The following UFC1 variants were observed in gnomAD, a reference collection of about 807,000 sequenced individuals.
UFC1 encodes ubiquitin-fold modifier conjugating enzyme 1.
In UFC1, 22 loss-of-function variants were observed where a neutral mutation model predicts 28.0. The ratio of observed to expected loss-of-function variants is 0.78; its 90% CI spans 0.56 to 1.12. The LOEUF (loss-of-function observed/expected upper bound fraction) is 1.12, where lower values mean the gene tolerates loss of function less well. Ranked by LOEUF, UFC1 falls within the 50% of genes most tolerant of loss-of-function variation. The pLI is 0.00. For missense variants in UFC1, 189 were observed against 207.8 expected, an observed-to-expected ratio of 0.91 and a Z score of 0.56; for synonymous variants, 61 against 74.5, an observed-to-expected ratio of 0.82 and a Z score of 0.93.
Position 161,158,788 on chromosome 1 carries a change from G to GA in UFC1, c.*299dup. ...CGATTCTGGAGGCACGGGGGTAACT[G>GA]AAAGTGAGTACATATAGTCTTTCTG... On this transcript the variant is annotated 3_prime_UTR_variant, in exon 6 of 6. Transcript: ENST00000368003. 1 of 418,064 alleles carries GA rather than the reference G, an allele frequency of 2.4e-6. No homozygotes were observed. Among genetic ancestry groups the GA allele is most frequent in the Non-Finnish European group, 4.5e-6 (1 of 223,172 alleles). 25.9% of individuals were successfully genotyped at this position (418,064 alleles called of 1,614,324 possible). A position where few individuals can be genotyped will look rare whatever the true frequency, so the allele number is the denominator to read the frequency against.
intron 1 of UFC1, 47 bp from the exon 2 acceptor site, chr1:161,156,903 C>T (rs763272547): frequency 6.5e-7 from 1 of 1,530,130 alleles, no homozygotes; most frequent in Non-Finnish European, 9.0e-7. Flanking sequence ...AGGGGGACTG[C>T]CCTTGGCCCC....
chr1:161,154,279 A>T (rs936461795), intron 1 of UFC1, among the ~76,000 whole-genome samples, 159 bp downstream of exon 1: 1 of 151,964 alleles, frequency 6.6e-6, no homozygotes, highest in African/African-American at 2.4e-5. Flanking sequence ...CTAAGGAGGG[A>T]TGGTGGGGAG....
chr1:161,155,019 C>T (rs1157681884), intron 1 of UFC1, among the ~76,000 whole-genome samples: 1 of 151,958 alleles, frequency 6.6e-6, no homozygotes, highest in Non-Finnish European at 1.5e-5. Flanking sequence ...AATTACTGTG[C>T]ATATAGAACC....
intron 1 of UFC1, among the ~76,000 whole-genome samples, chr1:161,156,419 G>C (rs563539701): frequency 4.2e-4 from 62 of 149,200 alleles, no homozygotes; most frequent in African/African-American, 1.5e-3. Context: ...GGCACCTGTA[G>C]TTCCAGCTAC....
Position 161,154,012 on chromosome 1 carries a change from C to T in UFC1, c.15C>T (p.Ala5=), listed in dbSNP as rs1201201685. The change falls in exon 1 of 6, where the codon GCC becomes GCT. Residue 5 remains alanine (A), a synonymous_variant. Transcript: ENST00000368003. MADE[A]TRRVVSEIPV... ...CCTGGTCCAAGATGGCGGATGAAGC[C>T]ACGCGACGTGTTGTGTCTGAGATCC... is the stretch of plus-strand genomic sequence containing the variant. The T allele has an allele frequency of 1.2e-6, 2 of 1,614,098 alleles. No homozygotes were observed. The highest frequency in any genetic ancestry group is 8.5e-7 in the Non-Finnish European group (1 of 1,180,032).
chr1:161,158,067 T>C (rs1657595063), intron 4 of UFC1, 54 bp from the exon 5 acceptor site: 4 of 1,474,554 alleles, frequency 2.7e-6, no homozygotes, highest in Non-Finnish European at 3.8e-6. Context: ...AAGAGGCTGC[T>C]GTGCTTTATG....
At chr1:161,157,362 G>A (rs1213869562) in intron 3 of UFC1, 45 bp downstream of exon 3, 4 of 1,606,022 alleles carry the variant, frequency 2.5e-6, no homozygotes, top group Non-Finnish European at 3.4e-6. Context: ...TAGAAGGGGA[G>A]GGATTAGATG....
At chr1:161,157,813 G>GGAT in intron 4 of UFC1, 120 bp downstream of exon 4, 1 of 838,530 alleles carries the variant, frequency 1.2e-6, no homozygotes, top group East Asian at 2.6e-5. Flanking sequence ...CTGGGTGATG[G>GGAT]GATGATCTAT....
chr1:161,157,003 C>T lies in UFC1; in HGVS notation c.177C>T (p.Asn59=). Reference sequence around the variant, plus strand: ...ACGATTGGTTCCGACTGGAGTCCAACAAGGAAGGAACTCGGTAGGTAGACC... The same window carrying T: ...ACGATTGGTTCCGACTGGAGTCCAATAAGGAAGGAACTCGGTAGGTAGACC... The part of the protein sequence containing the change: ...ADNDWFRLES[N]KEGTRWFGKC... Residue 59 remains asparagine (N), a synonymous_variant, in exon 2 of 6, where the codon AAC becomes AAT. Transcript: ENST00000368003. The T allele has an allele frequency of 6.2e-7, 1 of 1,614,162 alleles. No individual in the cohort carries two copies. The highest frequency in any genetic ancestry group is 8.5e-7 in the Non-Finnish European group (1 of 1,180,004).
At chr1:161,155,282 G>C (rs72714914) in intron 1 of UFC1, among the ~76,000 whole-genome samples, 7,569 of 152,270 alleles carry the variant, frequency 0.05, 263 homozygotes, top group Non-Finnish European at 0.076. Context: ...TAAAACATAA[G>C]AGTAGAAGGA....
chr1:161,156,536 CAAAAAA>C (rs754220776), intron 1 of UFC1, among the ~76,000 whole-genome samples: 1 of 49,796 alleles, frequency 2.0e-5, no homozygotes, highest in Non-Finnish European at 4.0e-5. Flanking sequence ...GAGACTGTCT[CAAAAAA>C]AAAAAAAAAA....
In UFC1 at chr1:161,157,606, A is replaced by T; in HGVS notation, c.256-11A>T. 6.2e-7 allele frequency: 1 copy of T among 1,611,328 alleles called. No individual in the cohort carries two copies. Among genetic ancestry groups the T allele is most frequent in the Non-Finnish European group, 8.5e-7 (1 of 1,177,634 alleles). On this transcript the variant is annotated splice_polypyrimidine_tract_variant and intron_variant, in intron 3 of 5. Transcript: ENST00000368003. ...TGATTCTGTTTTATTAAGGTTTTAT[A>T]ATTTCTCCAGATTCCTATCACATAT...
Position 161,154,077 on chromosome 1 carries a change from TGTGG to T in UFC1, c.84_87del (p.Trp28CysfsTer4), listed in dbSNP as rs752511883. 6.2e-7 allele frequency: 1 copy of T among 1,613,414 alleles called. No homozygotes were observed. Among genetic ancestry groups the T allele is most frequent in the South Asian group, 1.1e-5 (1 of 91,014 alleles). On this transcript the variant is annotated frameshift_variant, in exon 1 of 6. Transcript: ENST00000368003. LOFTEE classifies it high-confidence loss of function. The stretch of plus-strand genomic sequence containing the variant: ...AACGCCGGACCCCGAGATCGTGAGT[TGTGG>T]GTGCAGCGACTGAAGGAGGAATATC...
chr1:161,157,831 T>A (rs1190850076), intron 4 of UFC1, 138 bp downstream of exon 4: 2 of 741,336 alleles, frequency 2.7e-6, no homozygotes, highest in Non-Finnish European at 4.7e-6. Flanking sequence ...TATGTGTAAA[T>A]CACCATGGCA....
At chr1:161,157,863 T>C in intron 4 of UFC1, 170 bp downstream of exon 4, 1 of 645,820 alleles carries the variant, frequency 1.5e-6, no homozygotes, top group Non-Finnish European at 2.7e-6. Context: ...GTAACAAACC[T>C]ATACATCCTG....
intron 5 of UFC1, 74 bp from the exon 6 acceptor site, chr1:161,158,338 T>A: frequency 6.3e-7 from 1 of 1,596,978 alleles, no homozygotes; most frequent in Non-Finnish European, 8.6e-7. Flanking sequence ...AGAATCTGTC[T>A]CCAGGAAGGA....
Position 161,158,223 on chromosome 1 carries a change from G to A in UFC1, c.423+12G>A, listed in dbSNP as rs750029843. The A allele has an allele frequency of 1.4e-5, 23 of 1,613,730 alleles. No homozygotes were observed. The Admixed American group carries it at 3.7e-4, about 26-fold the overall frequency. ...TCATGGCTCTGGGGGTAAGTTTTGTGTATTTGGCATAAAAGGAGAAAGAGG... is the reference window on the plus strand; with the variant it reads ...TCATGGCTCTGGGGGTAAGTTTTGTATATTTGGCATAAAAGGAGAAAGAGG... On this transcript the variant is annotated intron_variant, in intron 5 of 5. Coordinates refer to ENST00000368003, the MANE Select transcript of UFC1 (RefSeq NM_016406.4).
In UFC1 at chr1:161,158,823, G is replaced by A. The variant is rs1657642538; in HGVS notation, c.*331G>A. 7.2e-6 allele frequency: 2 copies of A among 278,902 alleles called. No homozygotes were observed. Among genetic ancestry groups the A allele is most frequent in the African/African-American group, 4.3e-5 (2 of 46,516 alleles). The allele number at this position is 278,902 out of a possible 1,614,324, so 17.3% of individuals were successfully genotyped here. A position where few individuals can be genotyped will look rare whatever the true frequency, so the allele number is the denominator to read the frequency against. On this transcript the variant is annotated 3_prime_UTR_variant, in exon 6 of 6. Coordinates refer to ENST00000368003, the MANE Select transcript of UFC1 (RefSeq NM_016406.4). Reference sequence around the variant, plus strand: ...ACATATAGTCTTTCTGGTTTCTGGAGATAACCCATCAATAAAAGCTGCTTC... The same window carrying A: ...ACATATAGTCTTTCTGGTTTCTGGAAATAACCCATCAATAAAAGCTGCTTC...
intron 1 of UFC1, among the ~76,000 whole-genome samples, chr1:161,154,876 G>A: frequency 6.6e-6 from 1 of 152,194 alleles, no homozygotes; most frequent in South Asian, 2.1e-4. Flanking sequence ...CTCATAGTTA[G>A]AAACGGGCTG....
Sources: allele counts gnomAD v4.1 joint callset (sites outside exome capture counted in the v4.1 genomes callset), GRCh38; gene constraint gnomAD v4.1.1; transcripts MANE v1.5; gene names NCBI Gene and HGNC (gene_info 2026-07-23, HGNC 2026-07-21).